The following FAT3 variants were observed in gnomAD, a reference collection of about 807,000 sequenced individuals.
FAT3 encodes FAT atypical cadherin 3.
FAT3 carries 95 observed loss-of-function variants against 310.2 expected under a neutral mutation model. The observed-to-expected ratio is 0.31, with a 90% CI of 0.26 to 0.36. The LOEUF (loss-of-function observed/expected upper bound fraction) is 0.36, where lower values mean the gene tolerates loss of function less well. Among genes scored for constraint, FAT3 ranks in the 10% least tolerant of loss-of-function variants. The pLI, the probability that FAT3 is intolerant of heterozygous loss-of-function variation, is 1.00. For synonymous variants in FAT3, 2,314 were observed against 2,192.9 expected (o/e 1.06, Z -1.54); for missense variants, 5,408 against 5,715.6 (o/e 0.95, Z 1.74).
chr11:92,854,544 C>T (rs1214162972), intron 19 of FAT3, among the ~76,000 whole-genome samples: 1 of 152,158 alleles, frequency 6.6e-6, no homozygotes, highest in East Asian at 1.9e-4. Context: ...CAGGGTGGGA[C>T]TGATGGTAAA....
intron 3 of FAT3, among the ~76,000 whole-genome samples, chr11:92,538,240 A>T (rs1565394649): frequency 6.6e-6 from 1 of 152,160 alleles, no homozygotes; most frequent in Admixed American, 6.5e-5. Context: ...GTTGAACAAG[A>T]TCTGCATGAT....
At chr11:92,838,280 C>G (rs1442481535) in intron 17 of FAT3, among the ~76,000 whole-genome samples, 2 of 152,162 alleles carry the variant, frequency 1.3e-5, no homozygotes, top group Admixed American at 6.5e-5. Flanking sequence ...ATTGTCTCAT[C>G]AGTCAAAGAC....
At chr11:92,862,446 T>C (rs1420062009) in intron 21 of FAT3, among the ~76,000 whole-genome samples, 1 of 152,242 alleles carries the variant, frequency 6.6e-6, no homozygotes, top group Non-Finnish European at 1.5e-5. Flanking sequence ...TCCAGTATCA[T>C]GGCAAAAGCA....
chr11:92,288,215 G>A lies in FAT3; in HGVS notation c.-18+63041G>A, dbSNP rs2845869. On this transcript the variant is annotated intron_variant, in intron 1 of 27. Transcript: ENST00000525166. ...AGGACATTATGCAAAGTAAAATAAGGAAGTCACAAAAAAACAAATCTAAAG... is the reference window on the plus strand; with the variant it reads ...AGGACATTATGCAAAGTAAAATAAGAAAGTCACAAAAAAACAAATCTAAAG... 3.9e-3 allele frequency among the ~76,000 whole-genome samples: 599 copies of A among 152,154 alleles called. 3 individuals are homozygous for A. The highest frequency in any genetic ancestry group is 0.014 in the African/African-American group (562 of 41,522).
intron 4 of FAT3, among the ~76,000 whole-genome samples, chr11:92,750,375 G>A (rs1401347138): frequency 6.6e-6 from 1 of 152,128 alleles, no homozygotes; most frequent in Non-Finnish European, 1.5e-5. Flanking sequence ...AGTGTTGACT[G>A]ACAAAATTAC....
At chr11:92,693,067 A>C (rs1027932972) in intron 3 of FAT3, among the ~76,000 whole-genome samples, 2 of 152,162 alleles carry the variant, frequency 1.3e-5, no homozygotes, top group African/African-American at 4.8e-5. Context: ...TGTTTCTCAG[A>C]GAGAGGTCAT....
intron 1 of FAT3, among the ~76,000 whole-genome samples, chr11:92,238,893 A>G (rs41456346): frequency 0.032 from 4,797 of 152,222 alleles, 121 homozygotes; most frequent in South Asian, 0.054. Flanking sequence ...GTAGACTATC[A>G]AAAAAGAGTT....
chr11:92,845,002 C>T (rs1388811674), intron 19 of FAT3, among the ~76,000 whole-genome samples: 2 of 152,152 alleles, frequency 1.3e-5, no homozygotes, highest in African/African-American at 2.4e-5. Context: ...AGGACCCAGC[C>T]GATAGGGATT....
At chr11:92,795,728 T>C (rs1947152970) in intron 9 of FAT3, among the ~76,000 whole-genome samples, 1 of 152,004 alleles carries the variant, frequency 6.6e-6, no homozygotes, top group African/African-American at 2.4e-5. Flanking sequence ...CTGACCAACG[T>C]GGCAAAACCC....
chr11:92,418,907 G>A (rs1950478044), intron 2 of FAT3, among the ~76,000 whole-genome samples: 1 of 152,140 alleles, frequency 6.6e-6, no homozygotes, highest in Admixed American at 6.5e-5. Context: ...TTGTGCCTAT[G>A]ATAGCTTTTA....
intron 3 of FAT3, among the ~76,000 whole-genome samples, chr11:92,671,201 T>C (rs1943118442): frequency 6.6e-6 from 1 of 151,986 alleles, no homozygotes; most frequent in Non-Finnish European, 1.5e-5. Flanking sequence ...TGCACCACCA[T>C]GCCCAGCTAA....
chr11:92,413,496 C>T (rs1950340865), intron 2 of FAT3, among the ~76,000 whole-genome samples: 1 of 152,114 alleles, frequency 6.6e-6, no homozygotes, highest in Non-Finnish European at 1.5e-5. Context: ...CATTTTTCTC[C>T]AACTACACCT....
chr11:92,505,870 G>T (rs1196109848), intron 2 of FAT3, among the ~76,000 whole-genome samples: 1 of 152,094 alleles, frequency 6.6e-6, no homozygotes, highest in African/African-American at 2.4e-5. Context: ...TAACTGTCAG[G>T]CACTCTGTAG....
At chr11:92,723,081 A>G (rs1010725352) in intron 4 of FAT3, among the ~76,000 whole-genome samples, 1 of 152,202 alleles carries the variant, frequency 6.6e-6, no homozygotes, top group African/African-American at 2.4e-5. Flanking sequence ...ATTTCTCCTC[A>G]GAAAATGGGA....
intron 2 of FAT3, among the ~76,000 whole-genome samples, chr11:92,513,688 A>G (rs74761739): frequency 0.011 from 1,638 of 152,310 alleles, 28 homozygotes; most frequent in African/African-American, 0.037. Flanking sequence ...TACATTTTCA[A>G]TAATTAGAAA....
intron 1 of FAT3, among the ~76,000 whole-genome samples, chr11:92,318,815 G>C (rs1313697463): frequency 6.6e-6 from 1 of 152,186 alleles, no homozygotes; most frequent in African/African-American, 2.4e-5. Flanking sequence ...ATCTTGCTTT[G>C]AGACACTGGC....
At chr11:92,661,580 C>G (rs559968828) in intron 3 of FAT3, among the ~76,000 whole-genome samples, 92 of 151,706 alleles carry the variant, frequency 6.1e-4, no homozygotes, top group African/African-American at 2.2e-3. Flanking sequence ...TTGCATTCTG[C>G]TATAATGCAC....
intron 3 of FAT3, among the ~76,000 whole-genome samples, chr11:92,656,414 A>G (rs149466094): frequency 7.2e-4 from 109 of 152,276 alleles, no homozygotes; most frequent in African/African-American, 2.3e-3. Flanking sequence ...AGATGCTTTT[A>G]CTACTTTACT....
intron 3 of FAT3, among the ~76,000 whole-genome samples, chr11:92,532,916 C>T (rs1266177217): frequency 6.6e-6 from 1 of 152,112 alleles, no homozygotes; most frequent in African/African-American, 2.4e-5. Flanking sequence ...ATTCTGCAGT[C>T]ATGTATCTAG....
Sources: gnomAD v4.1 joint callset for allele counts (sites outside exome capture counted in the v4.1 genomes callset) on GRCh38, gnomAD v4.1.1 for gene constraint, MANE v1.5 for transcripts, NCBI Gene and HGNC (gene_info 2026-07-23, HGNC 2026-07-21) for gene names.